Variants in DIAPH2 observed in about 807,000 individuals in gnomAD.
DIAPH2 encodes diaphanous related formin 2.
DIAPH2 carries 35 observed loss-of-function variants against 92.7 expected under a neutral mutation model. The ratio of observed to expected loss-of-function variants is 0.38; its 90% CI spans 0.29 to 0.50. The LOEUF (loss-of-function observed/expected upper bound fraction) is 0.50. Among genes scored for constraint, DIAPH2 ranks in the 20% least tolerant of loss-of-function variants. The probability of loss-of-function intolerance (pLI) is 0.94; values close to 1 mark genes in which losing one functional copy is unlikely to be tolerated. For synonymous variants in DIAPH2, 301 were observed against 280.4 expected (o/e 1.07, Z -0.73); for missense variants, 701 against 819.5 (o/e 0.86, Z 1.77).
At chrX:97,591,860 G>A (rs1220063460) in intron 26 of DIAPH2, among the ~76,000 whole-genome samples, 3 of 111,821 alleles carry the variant, frequency 2.7e-5, no homozygotes, top group Non-Finnish European at 3.8e-5. Context: ...ATAATGCATG[G>A]CTCATATACA....
chrX:97,371,528 TTAAG>T (rs2069448042), intron 24 of DIAPH2, among the ~76,000 whole-genome samples: 1 of 111,163 alleles, frequency 9.0e-6, no homozygotes, highest in Non-Finnish European at 1.9e-5. Context: ...TTTGAGGAGG[TTAAG>T]TATCAGAAGA....
At chrX:97,498,755 C>T (rs2070776434) in intron 26 of DIAPH2, among the ~76,000 whole-genome samples, 2 of 111,512 alleles carry the variant, frequency 1.8e-5, no homozygotes, top group Middle Eastern at 4.6e-3. Flanking sequence ...CCAATGAAAT[C>T]ACAGCACACC....
intron 17 of DIAPH2, among the ~76,000 whole-genome samples, chrX:97,026,975 A>G (rs1454047166): frequency 8.9e-6 from 1 of 111,856 alleles, no homozygotes; most frequent in Non-Finnish European, 1.9e-5. Context: ...TTTTCTGGGT[A>G]GCATTGCTGT....
chrX:97,436,085 G>T (rs974589216), intron 26 of DIAPH2, among the ~76,000 whole-genome samples: 1 of 111,576 alleles, frequency 9.0e-6, no homozygotes, highest in South Asian at 3.7e-4. Flanking sequence ...GATTACAGGC[G>T]TGAGCCACCG....
Position 97,537,692 on chromosome X carries a change from G to A in DIAPH2, c.3242-61561G>A, listed in dbSNP as rs1408647608. The stretch of plus-strand genomic sequence containing the variant: ...CACAGATCATGAGCTTCCATGTTGT[G>A]AGGACACTTAAGCAGTTTATAGAGT... On this transcript the variant is annotated intron_variant, in intron 26 of 26. Transcript: ENST00000324765. Among the ~76,000 whole-genome samples the A allele has an allele frequency of 6.3e-5, 7 of 111,084 alleles. No individual in the cohort carries two copies. In the East Asian group the frequency reaches 1.7e-3, roughly 27 times the overall value.
chrX:96,841,535 C>T lies in DIAPH2; in HGVS notation c.448-40044C>T, dbSNP rs558046120. Among the ~76,000 whole-genome samples, 5 of 111,781 alleles carry T rather than the reference C, an allele frequency of 4.5e-5. No individual in the cohort carries two copies. In the South Asian group the frequency reaches 1.9e-3, roughly 42 times the overall value. ...TGAAAGTGCATCCAGAGTTGTCATT[C>T]TAAAAATAAATCTAATCATGTGTTC... On this transcript the variant is annotated intron_variant, in intron 4 of 26. Transcript: ENST00000324765.
At chrX:97,259,224 G>A in intron 23 of DIAPH2, among the ~76,000 whole-genome samples, 1 of 109,985 alleles carries the variant, frequency 9.1e-6, no homozygotes, top group Non-Finnish European at 1.9e-5. Context: ...CTACTCAAGA[G>A]GCTGAGGCAG....
chrX:96,844,581 G>A (rs2064958586), intron 4 of DIAPH2, among the ~76,000 whole-genome samples: 1 of 112,265 alleles, frequency 8.9e-6, no homozygotes. Context: ...AATGGAAATA[G>A]TACAACTTTC....
chrX:96,712,083 CCT>C (rs1344142505), intron 1 of DIAPH2, among the ~76,000 whole-genome samples: 8 of 111,236 alleles, frequency 7.2e-5, no homozygotes, highest in Non-Finnish European at 1.3e-4. Flanking sequence ...AATCTTAACT[CCT>C]CTGTGGCTTT....
chrX:97,406,629 G>A (rs1037213408), intron 25 of DIAPH2, among the ~76,000 whole-genome samples: 1 of 111,715 alleles, frequency 9.0e-6, no homozygotes, highest in Non-Finnish European at 1.9e-5. Context: ...CCTTTTAAAG[G>A]ATGGGGATAA....
intron 22 of DIAPH2, among the ~76,000 whole-genome samples, chrX:97,143,421 A>G (rs1003755182): frequency 2.8e-4 from 31 of 110,339 alleles, no homozygotes; most frequent in Non-Finnish European, 5.7e-4. Context: ...ATCAATTTTT[A>G]CAACATTTTG....
chrX:97,471,117 A>G (rs1435668558), intron 26 of DIAPH2, among the ~76,000 whole-genome samples: 2 of 111,450 alleles, frequency 1.8e-5, no homozygotes, highest in Admixed American at 1.9e-4. Flanking sequence ...TTTTGAGGAG[A>G]GGTCCATGGC....
At chrX:97,272,910 C>G (rs2068401638) in intron 23 of DIAPH2, among the ~76,000 whole-genome samples, 1 of 112,013 alleles carries the variant, frequency 8.9e-6, no homozygotes, top group Non-Finnish European at 1.9e-5. Context: ...AATCCCAGCA[C>G]TTTGGGAGGC....
chrX:97,197,382 A>G (rs1372263473), intron 22 of DIAPH2, among the ~76,000 whole-genome samples: 1 of 112,080 alleles, frequency 8.9e-6, no homozygotes, highest in Non-Finnish European at 1.9e-5. Flanking sequence ...ACTTCCTAAT[A>G]CTAAAGAAAT....
chrX:97,553,682 AAAAG>A (rs1438825817), intron 26 of DIAPH2, among the ~76,000 whole-genome samples: 3 of 109,416 alleles, frequency 2.7e-5, no homozygotes, highest in African/African-American at 6.6e-5. Flanking sequence ...AAAAAAAAAA[AAAAG>A]AAGAAGAAGA....
intron 26 of DIAPH2, among the ~76,000 whole-genome samples, chrX:97,579,096 G>A (rs1304665541): frequency 4.6e-5 from 5 of 108,529 alleles, no homozygotes; most frequent in African/African-American, 1.3e-4. Context: ...AGTAGGTTGC[G>A]AAATTTTTCT....
At chrX:97,203,018 A>G (rs2067765952) in intron 22 of DIAPH2, among the ~76,000 whole-genome samples, 1 of 112,078 alleles carries the variant, frequency 8.9e-6, no homozygotes, top group Non-Finnish European at 1.9e-5. Context: ...TAAGAAACTC[A>G]CTCAAAGTCA....
chrX:97,116,796 A>T (rs1307090038), intron 21 of DIAPH2, among the ~76,000 whole-genome samples: 4 of 112,024 alleles, frequency 3.6e-5, no homozygotes, highest in Non-Finnish European at 7.5e-5. Context: ...ACATGAACTG[A>T]TTTCTTTGAA....
intron 4 of DIAPH2, among the ~76,000 whole-genome samples, chrX:96,856,696 G>A (rs2147719132): frequency 9.1e-6 from 1 of 110,415 alleles, no homozygotes; most frequent in South Asian, 3.9e-4. Flanking sequence ...TTGAGTATCT[G>A]TGGTGTGTGG....
Sources: gnomAD v4.1 joint callset for allele counts (sites outside exome capture counted in the v4.1 genomes callset) on GRCh38, gnomAD v4.1.1 for gene constraint, MANE v1.5 for transcripts, NCBI Gene and HGNC (gene_info 2026-07-23, HGNC 2026-07-21) for gene names.